Variants in SMG7 observed in about 807,000 individuals in gnomAD.
SMG7 encodes the protein nonsense-mediated mRNA decay factor SMG7.
In SMG7, 34 loss-of-function variants were observed where a neutral mutation model predicts 148.2. The ratio of observed to expected loss-of-function variants is 0.23; its 90% CI spans 0.17 to 0.31. The LOEUF (loss-of-function observed/expected upper bound fraction) is 0.31. SMG7 is among the 10% of genes least tolerant of loss of function. The pLI is 1.00. For missense variants in SMG7, 1,114 were observed against 1,408.4 expected, an observed-to-expected ratio of 0.79 and a Z score of 3.35; for synonymous variants, 492 against 515.1, an observed-to-expected ratio of 0.96 and a Z score of 0.61.
At chr1:183,497,354 G>A (rs1400011170) in intron 1 of SMG7, among the ~76,000 whole-genome samples, 1 of 152,096 alleles carries the variant, frequency 6.6e-6, no homozygotes. Flanking sequence ...TGTTCCAAAA[G>A]GGCAAGCCCA....
At chr1:183,521,901 G>C (rs1303173919) in intron 4 of SMG7, among the ~76,000 whole-genome samples, 2 of 151,856 alleles carry the variant, frequency 1.3e-5, no homozygotes, top group Non-Finnish European at 2.9e-5. Context: ...ACTGGAGTTG[G>C]AAAGTAAGCA....
In SMG7 at chr1:183,533,270, A is replaced by G; in HGVS notation, c.950A>G (p.Gln317Arg). Residue 317 changes from glutamine (Q) to arginine (R), a missense_variant, in exon 9 of 23, where the codon CAG becomes CGG. Coordinates refer to ENST00000688051, the MANE Select transcript of SMG7 (RefSeq NM_001375584.1). The part of the protein sequence containing the change: ...HLRDFSNETE[Q>R]HTYSQDEQLC... ...CGTGACTTTAGCAATGAAACCGAGC[A>G]GCACACTTATAGCCAAGATGAGCAG... is the stretch of plus-strand genomic sequence containing the variant. 1 of 1,614,030 alleles carries G rather than the reference A, an allele frequency of 6.2e-7. No homozygotes were observed. The highest frequency in any genetic ancestry group is 8.5e-7 in the Non-Finnish European group (1 of 1,179,884).
chr1:183,477,921 C>T (rs1235561005), intron 1 of SMG7, among the ~76,000 whole-genome samples: 2 of 151,944 alleles, frequency 1.3e-5, no homozygotes, highest in Non-Finnish European at 2.9e-5. Flanking sequence ...AATATAACAG[C>T]CACAGGGTTG....
At chr1:183,501,706 C>T (rs1050931049) in intron 1 of SMG7, among the ~76,000 whole-genome samples, 2 of 152,110 alleles carry the variant, frequency 1.3e-5, no homozygotes. Flanking sequence ...GGACCATATC[C>T]ATTTTTTTCA....
At chr1:183,541,537 C>T (rs1003781129) in intron 13 of SMG7, among the ~76,000 whole-genome samples, 1 of 151,944 alleles carries the variant, frequency 6.6e-6, no homozygotes, top group African/African-American at 2.4e-5. Context: ...GGGAAAAGAA[C>T]GCAGGTTTTG....
At chr1:183,537,698 T>C (rs1668043479) in intron 11 of SMG7, among the ~76,000 whole-genome samples, 1 of 152,226 alleles carries the variant, frequency 6.6e-6, no homozygotes, top group Non-Finnish European at 1.5e-5. Flanking sequence ...GTGCCTGATT[T>C]TGAAATTTAG....
In SMG7 at chr1:183,528,836, A is replaced by T. The variant is rs1572010183; in HGVS notation, c.557-56A>T. The T allele has an allele frequency of 2.8e-6, 4 of 1,434,278 alleles. No individual in the cohort carries two copies. In the East Asian group the frequency reaches 9.2e-5, roughly 33 times the overall value. The allele number at this position is 1,434,278 out of a possible 1,614,324, so 88.8% of individuals were successfully genotyped here. ...TTAAACACTGATCATTTGTATTCTT[A>T]TAGCAAGACTTTGTCACTCTTGGGG... On this transcript the variant is annotated intron_variant, in intron 6 of 22. Transcript: ENST00000688051.
intron 1 of SMG7, 97 bp from the exon 2 acceptor site, chr1:183,512,740 T>A (rs1301813766): frequency 8.8e-7 from 1 of 1,142,216 alleles, no homozygotes. Flanking sequence ...TATCGTAGTA[T>A]ATGATTTCAC....
intron 22 of SMG7, 113 bp from the exon 23 acceptor site, chr1:183,551,705 G>A: frequency 1.6e-6 from 1 of 616,802 alleles, no homozygotes; most frequent in Non-Finnish European, 2.6e-6. Flanking sequence ...TATGGGGAGT[G>A]GGGTTGGGTT....
chr1:183,552,766 G>A lies in SMG7; in HGVS notation c.*835G>A. On this transcript the variant is annotated 3_prime_UTR_variant, in exon 23 of 23. Transcript: ENST00000688051. Reference sequence around the variant, plus strand: ...TGTACATTTTACAGTCGCACAGCAAGCAGTCTCACAGAAGGCAGGCTAGTC... The same window carrying A: ...TGTACATTTTACAGTCGCACAGCAAACAGTCTCACAGAAGGCAGGCTAGTC... 1.4e-6 allele frequency: 2 copies of A among 1,391,832 alleles called. No homozygotes were observed. Among genetic ancestry groups the A allele is most frequent in the Non-Finnish European group, 1.9e-6 (2 of 1,075,310 alleles). 86.2% of individuals were successfully genotyped at this position (1,391,832 alleles called of 1,614,324 possible).
chr1:183,517,850 T>G (rs747320145), intron 4 of SMG7, 30 bp downstream of exon 4: 129 of 1,610,446 alleles, frequency 8.0e-5, no homozygotes, highest in Non-Finnish European at 1.1e-4. Context: ...CCAGTTTTCT[T>G]ACTATTAGTG....
chr1:183,538,461 C>T (rs1668183126), intron 12 of SMG7, 21 bp downstream of exon 12: 1 of 1,525,962 alleles, frequency 6.6e-7, no homozygotes, highest in Non-Finnish European at 9.1e-7. Flanking sequence ...GCTGAAGTAC[C>T]TTTATCATTG....
chr1:183,533,013 C>T (rs1278583076), intron 8 of SMG7, 151 bp from the exon 9 acceptor site: 1 of 601,498 alleles, frequency 1.7e-6, no homozygotes, highest in East Asian at 2.9e-5. Flanking sequence ...TAGACCCAGT[C>T]AAAATACTGG....
intron 1 of SMG7, chr1:183,473,756 T>G (rs1651387196): frequency 1.0e-6 from 1 of 985,264 alleles, no homozygotes; most frequent in African/African-American, 1.7e-5. Flanking sequence ...TATGGAAAGA[T>G]GTTTTTTAAA....
At chr1:183,523,896 C>T (rs951198668) in intron 4 of SMG7, among the ~76,000 whole-genome samples, 2 of 151,434 alleles carry the variant, frequency 1.3e-5, no homozygotes, top group African/African-American at 2.4e-5. Context: ...TTAACCCTCT[C>T]ATGTTTCTTA....
At position 183,507,483 on chromosome 1, in the gene SMG7, C is replaced by T. The variant is rs189511882; in HGVS notation, c.30-5354C>T. ...CTCTGGAGCCATATTGATTATGCTA[C>T]TTCTGCTACTTACTATGACCTTAAC... On this transcript the variant is annotated intron_variant, in intron 1 of 22. Transcript: ENST00000688051. Among the ~76,000 whole-genome samples, 28 of 152,248 alleles carry T rather than the reference C, an allele frequency of 1.8e-4. No homozygotes were observed. In the East Asian group the frequency reaches 5.4e-3, roughly 29 times the overall value.
At chr1:183,522,464 G>T (rs1042476510) in intron 4 of SMG7, among the ~76,000 whole-genome samples, 2 of 152,050 alleles carry the variant, frequency 1.3e-5, no homozygotes, top group African/African-American at 4.8e-5. Flanking sequence ...TGACCAATTA[G>T]GTTTGACAAC....
chr1:183,542,324 A>G lies in SMG7; in HGVS notation c.1664A>G (p.Glu555Gly). 8 of 1,614,130 alleles carry G rather than the reference A, an allele frequency of 5.0e-6. No homozygotes were observed. Among genetic ancestry groups the G allele is most frequent in the Non-Finnish European group, 6.8e-6 (8 of 1,179,996 alleles). ...VTFKENIKTR[E>G]VNRDQGRSFP... ...TTCAAAGAAAACATTAAGACACGAG[A>G]AGTGAACAGAGACCAAGGAAGAAGT... Residue 555 changes from glutamate to glycine, a missense_variant, in exon 14 of 23, where the codon GAA (glutamate) becomes GGA (glycine). Transcript: ENST00000688051.
intron 1 of SMG7, among the ~76,000 whole-genome samples, chr1:183,511,242 G>T (rs556886630): frequency 7.2e-5 from 11 of 152,148 alleles, no homozygotes; most frequent in Non-Finnish European, 1.3e-4. Context: ...AGTGTCTGTT[G>T]TGTGCAAGGT....
Sources: gnomAD v4.1 joint callset for allele counts (sites outside exome capture counted in the v4.1 genomes callset) on GRCh38, gnomAD v4.1.1 for gene constraint, MANE v1.5 for transcripts, NCBI Gene and HGNC (gene_info 2026-07-23, HGNC 2026-07-21) for gene names.